Variants in LRBA observed in about 807,000 individuals in gnomAD.
The protein encoded by LRBA is lipopolysaccharide-responsive and beige-like anchor protein.
LRBA carries 176 observed loss-of-function variants against 330.0 expected under a neutral mutation model. The ratio of observed to expected loss-of-function variants is 0.53; its 90% CI spans 0.47 to 0.60. LRBA has a LOEUF of 0.60. Ranked by LOEUF, LRBA falls within the 20% of genes least tolerant of loss-of-function variation. The pLI is 0.00. For missense variants in LRBA, 3,259 were observed against 3,444.8 expected, an observed-to-expected ratio of 0.95 and a Z score of 1.35; for synonymous variants, 1,230 against 1,193.0, an observed-to-expected ratio of 1.03 and a Z score of -0.64.
At chr4:150,831,745 A>G (rs1371605155) in intron 29 of LRBA, 72 bp downstream of exon 29, 1 of 1,183,374 alleles carries the variant, frequency 8.5e-7, no homozygotes, top group East Asian at 2.7e-5. Flanking sequence ...TCCAATATCA[A>G]TATTTTAACC....
chr4:150,936,954 C>T (rs1044797823), intron 2 of LRBA, among the ~76,000 whole-genome samples: 24 of 151,974 alleles, frequency 1.6e-4, no homozygotes, highest in African/African-American at 5.8e-4. Context: ...AGAGACCTTA[C>T]CTTCATCTTA....
At chr4:150,980,246 C>A (rs752579844) in intron 2 of LRBA, among the ~76,000 whole-genome samples, 3 of 152,014 alleles carry the variant, frequency 2.0e-5, no homozygotes, top group African/African-American at 7.3e-5. Flanking sequence ...TCAACTGATG[C>A]TGAAAAAGCA....
chr4:150,605,207 T>A (rs1217735561), intron 37 of LRBA, among the ~76,000 whole-genome samples: 1 of 152,204 alleles, frequency 6.6e-6, no homozygotes, highest in Non-Finnish European at 1.5e-5. Context: ...ACAACCTAGA[T>A]GAATTGGCAC....
chr4:150,997,693 A>G (rs1239864334), intron 2 of LRBA, among the ~76,000 whole-genome samples: 2 of 151,834 alleles, frequency 1.3e-5, no homozygotes, highest in Non-Finnish European at 2.9e-5. Flanking sequence ...AACATTCTAC[A>G]ATTCTTTTTT....
intron 4 of LRBA, among the ~76,000 whole-genome samples, chr4:150,927,563 A>G (rs1027878830): frequency 6.6e-6 from 1 of 152,118 alleles, no homozygotes; most frequent in Non-Finnish European, 1.5e-5. Flanking sequence ...AAATATCAAG[A>G]GGTCTAATAT....
At chr4:150,945,864 A>G (rs1457218024) in intron 2 of LRBA, among the ~76,000 whole-genome samples, 2 of 151,838 alleles carry the variant, frequency 1.3e-5, no homozygotes, top group East Asian at 3.9e-4. Flanking sequence ...CAGTGGCACA[A>G]TCTCAGCTCA....
At chr4:150,513,795 C>T (rs544060270) in intron 40 of LRBA, among the ~76,000 whole-genome samples, 1 of 152,224 alleles carries the variant, frequency 6.6e-6, no homozygotes, top group Non-Finnish European at 1.5e-5. Context: ...TCATTACCTC[C>T]TAAAGAGTCT....
In LRBA at chr4:150,644,132, T is replaced by C. The variant is rs72736364; in HGVS notation, c.5921+39419A>G. ...TTTAAATAACATGTTTTTAAAGGCATAGTGGAGTCTGAATTATTTTGTTTT... is the reference window on the plus strand; with the variant it reads ...TTTAAATAACATGTTTTTAAAGGCACAGTGGAGTCTGAATTATTTTGTTTT... On this transcript the variant is annotated intron_variant, in intron 37 of 56. Coordinates refer to ENST00000651943, the MANE Select transcript of LRBA (RefSeq NM_001364905.1). Among the ~76,000 whole-genome samples the C allele has an allele frequency of 1.6e-3, 243 of 152,026 alleles. 1 individual carries two copies. Among genetic ancestry groups the C allele is most frequent in the Admixed American group, 3.7e-3 (56 of 15,232 alleles).
At chr4:150,755,510 G>A (rs1010679783) in intron 35 of LRBA, among the ~76,000 whole-genome samples, 1 of 152,020 alleles carries the variant, frequency 6.6e-6, no homozygotes, top group Non-Finnish European at 1.5e-5. Context: ...TATAATTATA[G>A]GTTGTTTTAA....
intron 18 of LRBA, among the ~76,000 whole-genome samples, chr4:150,871,956 A>G (rs996288511): frequency 1.3e-5 from 2 of 152,208 alleles, no homozygotes; most frequent in African/African-American, 4.8e-5. Context: ...ACAAACTTTA[A>G]TTTTACCCTT....
intron 47 of LRBA, among the ~76,000 whole-genome samples, chr4:150,353,568 C>T (rs1175071449): frequency 1.3e-5 from 2 of 152,140 alleles, no homozygotes; most frequent in African/African-American, 4.8e-5. Context: ...TTTATGCACA[C>T]TCAAAATGGT....
chr4:150,699,817 C>A (rs778501477), intron 36 of LRBA, among the ~76,000 whole-genome samples: 2 of 152,162 alleles, frequency 1.3e-5, no homozygotes, highest in African/African-American at 4.8e-5. Flanking sequence ...AGGTCAACTG[C>A]TGCAGAGTAA....
chr4:150,735,189 C>G (rs990853116), intron 36 of LRBA, 69 bp downstream of exon 36: 1 of 1,158,188 alleles, frequency 8.6e-7, no homozygotes, highest in Non-Finnish European at 1.3e-6. Context: ...GCCATTTTAC[C>G]GGGACAATTT....
chr4:150,861,446 G>C (rs1273806632), intron 22 of LRBA, among the ~76,000 whole-genome samples: 1 of 152,080 alleles, frequency 6.6e-6, no homozygotes. Context: ...GTGTACGTAA[G>C]GTTTAGAAAT....
intron 2 of LRBA, among the ~76,000 whole-genome samples, chr4:150,953,321 A>G (rs184686343): frequency 6.6e-6 from 1 of 152,018 alleles, no homozygotes; most frequent in East Asian, 1.9e-4. Flanking sequence ...TCCATAAAAC[A>G]AATCTCAATA....
At chr4:150,571,796 A>G (rs1280050781) in intron 40 of LRBA, among the ~76,000 whole-genome samples, 2 of 151,434 alleles carry the variant, frequency 1.3e-5, no homozygotes, top group African/African-American at 4.8e-5. Flanking sequence ...GTTAAACAAG[A>G]TATCATAGCA....
intron 2 of LRBA, among the ~76,000 whole-genome samples, chr4:150,965,796 G>A (rs1738815079): frequency 6.6e-6 from 1 of 151,764 alleles, no homozygotes; most frequent in African/African-American, 2.4e-5. Context: ...CTTCCACCTC[G>A]GCCTTGCAAA....
intron 47 of LRBA, among the ~76,000 whole-genome samples, chr4:150,373,506 C>T (rs1252743221): frequency 6.6e-6 from 1 of 152,128 alleles, no homozygotes; most frequent in Non-Finnish European, 1.5e-5. Flanking sequence ...TGGTGAATCC[C>T]ATGATCTAAT....
intron 44 of LRBA, among the ~76,000 whole-genome samples, chr4:150,457,231 A>G (rs1376067483): frequency 1.3e-5 from 2 of 152,128 alleles, no homozygotes; most frequent in African/African-American, 4.8e-5. Context: ...CCTTTTCTGA[A>G]AGTAAGACAA....
Sources: gnomAD v4.1 joint callset for allele counts (sites outside exome capture counted in the v4.1 genomes callset) on GRCh38, gnomAD v4.1.1 for gene constraint, MANE v1.5 for transcripts, NCBI Gene and HGNC (gene_info 2026-07-23, HGNC 2026-07-21) for gene names.